The following LYN variants were observed in gnomAD, a reference collection of about 807,000 sequenced individuals.
LYN encodes the protein LYN proto-oncogene, Src family tyrosine kinase, also known as tyrosine-protein kinase Lyn.
Under a neutral mutation model 65.0 loss-of-function variants are expected in LYN, and 12 were observed. That is an observed-to-expected ratio of 0.18 (90% CI 0.12 to 0.30). The LOEUF is 0.30. LYN is among the 10% of genes least tolerant of loss of function. The probability of loss-of-function intolerance (pLI) is 1.00; values close to 1 mark genes in which losing one functional copy is unlikely to be tolerated. For synonymous variants in LYN, 222 were observed against 221.2 expected (o/e 1.00, Z -0.03); for missense variants, 380 against 623.2 (o/e 0.61, Z 4.16).
chr8:55,942,381 GTATATATATA>G (rs1371157353), intron 2 of LYN, among the ~76,000 whole-genome samples: 1 of 137,042 alleles, frequency 7.3e-6, no homozygotes, highest in Admixed American at 7.3e-5. Flanking sequence ...ATATATATGT[GTATATATATA>G]TGTGTATATA....
intron 9 of LYN, among the ~76,000 whole-genome samples, chr8:55,967,135 C>T (rs1807481999): frequency 6.7e-6 from 1 of 150,364 alleles, no homozygotes; most frequent in African/African-American, 2.5e-5. Context: ...GTACCTATTG[C>T]CCTGAGAATA....
chr8:55,953,160 G>C (rs567033193), intron 7 of LYN, among the ~76,000 whole-genome samples: 1 of 152,266 alleles, frequency 6.6e-6, no homozygotes, highest in East Asian at 1.9e-4. Context: ...GGGGCCTGGG[G>C]TCCAGTGGTG....
intron 10 of LYN, among the ~76,000 whole-genome samples, chr8:55,976,221 G>A (rs1249378856): frequency 2.0e-5 from 3 of 151,270 alleles, no homozygotes; most frequent in Admixed American, 6.6e-5. Flanking sequence ...CAGCTACTCC[G>A]AAGGCTGAGG....
intron 1 of LYN, among the ~76,000 whole-genome samples, chr8:55,888,793 G>A (rs1455905646): frequency 6.6e-6 from 1 of 152,112 alleles, no homozygotes; most frequent in African/African-American, 2.4e-5. Flanking sequence ...CTGGAGTGCA[G>A]TGGTACGATC....
chr8:55,949,164 A>G (rs1214585040), intron 4 of LYN, among the ~76,000 whole-genome samples: 2 of 152,318 alleles, frequency 1.3e-5, no homozygotes, highest in East Asian at 1.9e-4. Flanking sequence ...CATAGTGTCC[A>G]TCTCTATGAT....
At chr8:55,880,858 C>T (rs557675797) in intron 1 of LYN, among the ~76,000 whole-genome samples, 6 of 152,326 alleles carry the variant, frequency 3.9e-5, no homozygotes, top group Admixed American at 3.9e-4. Context: ...TCTCTGGGCC[C>T]ATGGTGGCAT....
At chr8:55,913,215 A>G (rs1309141600) in intron 1 of LYN, among the ~76,000 whole-genome samples, 1 of 152,252 alleles carries the variant, frequency 6.6e-6, no homozygotes, top group African/African-American at 2.4e-5. Flanking sequence ...GATTTTACCA[A>G]ATAATTCACA....
At chr8:55,968,249 A>AATAT (rs542960643) in intron 9 of LYN, among the ~76,000 whole-genome samples, 8 of 151,280 alleles carry the variant, frequency 5.3e-5, no homozygotes, top group African/African-American at 1.7e-4. Context: ...AACAATGCCT[A>AATAT]ATATATATAT....
chr8:55,892,398 C>T (rs549559979), intron 1 of LYN, among the ~76,000 whole-genome samples: 26 of 152,060 alleles, frequency 1.7e-4, no homozygotes, highest in African/African-American at 5.3e-4. Flanking sequence ...CCTGCCTGGG[C>T]GACAGAGCAA....
At chr8:55,887,202 C>A (rs886625994) in intron 1 of LYN, among the ~76,000 whole-genome samples, 7 of 152,188 alleles carry the variant, frequency 4.6e-5, no homozygotes, top group African/African-American at 1.7e-4. Flanking sequence ...TGCCTGTAAT[C>A]CCAGCACTCT....
intron 1 of LYN, among the ~76,000 whole-genome samples, chr8:55,933,173 A>G (rs998285017): frequency 6.6e-6 from 1 of 152,224 alleles, no homozygotes; most frequent in African/African-American, 2.4e-5. Context: ...AAGCACCACA[A>G]CTAATACCAA....
At chr8:55,886,906 T>C (rs543471974) in intron 1 of LYN, among the ~76,000 whole-genome samples, 1 of 152,386 alleles carries the variant, frequency 6.6e-6, no homozygotes, top group South Asian at 2.1e-4. Context: ...TGTTTTGAAA[T>C]GCACAATAGT....
chr8:55,884,744 G>A (rs1401528982), intron 1 of LYN, among the ~76,000 whole-genome samples: 2 of 152,204 alleles, frequency 1.3e-5, no homozygotes, highest in Non-Finnish European at 2.9e-5. Flanking sequence ...GAGCCACCGT[G>A]CCTGGCCCTG....
rs1554576222 is a variant in LYN at position 55,911,192 on chromosome 8, C to CATATATAT, written c.-5-30662_-5-30661insTATATATA. On this transcript the variant is annotated intron_variant, in intron 1 of 12. Transcript: ENST00000519728. ...ATACACGTATATATATATATATACA[C>CATATATAT]ACACACATATATATATACACGTGTA... Among the ~76,000 whole-genome samples, 5 of 8,792 alleles carry CATATATAT rather than the reference C, an allele frequency of 5.7e-4. 2 individuals are homozygous for CATATATAT. The highest frequency in any genetic ancestry group is 0.14 in the East Asian group (2 of 14). The allele number at this position is 8,792 out of a possible 152,430, so 5.8% of individuals were successfully genotyped here.
intron 10 of LYN, among the ~76,000 whole-genome samples, chr8:55,978,763 C>A (rs1807833414): frequency 6.6e-6 from 1 of 152,136 alleles, no homozygotes; most frequent in Non-Finnish European, 1.5e-5. Flanking sequence ...AGGGAAACTG[C>A]CACGGGACTT....
chr8:55,900,667 C>T (rs1439460015), intron 1 of LYN, among the ~76,000 whole-genome samples: 1 of 151,958 alleles, frequency 6.6e-6, no homozygotes. Context: ...AAGTGTGAGC[C>T]ATTGTGCCCA....
chr8:55,988,531 A>G (rs891169779), intron 10 of LYN, among the ~76,000 whole-genome samples: 2 of 152,062 alleles, frequency 1.3e-5, no homozygotes, highest in African/African-American at 4.8e-5. Context: ...AATTATGTGA[A>G]TTCTTCTTTT....
rs986587040 is a variant in LYN, at chr8:55,938,506, C to T, written c.-5-3349C>T. Among the ~76,000 whole-genome samples, 3 of 152,232 alleles carry T rather than the reference C, an allele frequency of 2.0e-5. No individual in the cohort carries two copies. The East Asian group carries it at 5.8e-4, about 29-fold the overall frequency. ...CTGCTTCCTCTCTCCTGCTGTGACT[C>T]ATGACGTCCCTGGCCCTTCTTGCCA... On this transcript the variant is annotated intron_variant, in intron 1 of 12. Coordinates refer to ENST00000519728, the MANE Select transcript of LYN (RefSeq NM_002350.4).
chr8:55,989,640 T>C (rs138207478), intron 10 of LYN, among the ~76,000 whole-genome samples: 21 of 152,290 alleles, frequency 1.4e-4, no homozygotes, highest in South Asian at 4.1e-4. Flanking sequence ...TGCATTCCAC[T>C]CAAATGTTTC....
Sources: allele counts gnomAD v4.1 joint callset (sites outside exome capture counted in the v4.1 genomes callset), GRCh38; gene constraint gnomAD v4.1.1; transcripts MANE v1.5; gene names NCBI Gene and HGNC (gene_info 2026-07-23, HGNC 2026-07-21).